Variants in ADGRG1 observed in about 807,000 individuals in gnomAD.
The protein encoded by ADGRG1 is 7-transmembrane protein with no EGF-like N-terminal domains-1.
A neutral mutation model predicts 73.5 loss-of-function variants in ADGRG1; 53 were observed. The observed-to-expected ratio is 0.72, with a 90% CI of 0.58 to 0.91. The LOEUF (loss-of-function observed/expected upper bound fraction) is 0.91, where lower values mean the gene tolerates loss of function less well. Ranked by LOEUF, ADGRG1 falls within the 40% of genes least tolerant of loss-of-function variation. The pLI, the probability that ADGRG1 is intolerant of heterozygous loss-of-function variation, is 0.00. For synonymous variants in ADGRG1, 394 were observed against 374.4 expected, an observed-to-expected ratio of 1.05 and a Z score of -0.60; for missense variants, 795 against 871.8, an observed-to-expected ratio of 0.91 and a Z score of 1.11.
At chr16:57,625,396 C>T (rs2035640338), upstream of ADGRG1, 1 of 158,604 alleles carries the variant, frequency 6.3e-6, no homozygotes, top group Non-Finnish European at 1.4e-5. Flanking sequence ...CAGACATCTT[C>T]CCCCTCTCCT....
chr16:57,625,516 G>A (rs549275320), upstream of ADGRG1: 52 of 972,168 alleles, frequency 5.3e-5, no homozygotes, highest in Middle Eastern at 1.0e-3. Flanking sequence ...TGCCTCCTTC[G>A]AGGCCCCATC....
intron 1 of ADGRG1, chr16:57,647,882 C>A: frequency 2.2e-6 from 1 of 464,814 alleles, no homozygotes; most frequent in Non-Finnish European, 2.8e-6. Context: ...TGATGGGGAG[C>A]TCTCTACCTG....
At chr16:57,650,924 G>T (rs1436874638) in intron 2 of ADGRG1, 13 of 237,410 alleles carry the variant, frequency 5.5e-5, no homozygotes, top group Non-Finnish European at 8.2e-5. Flanking sequence ...TAGCCGGGAT[G>T]GTCTCGATCT....
In ADGRG1 at chr16:57,628,679, C is replaced by T. The variant is rs1346037213; in HGVS notation, c.-159C>T. On this transcript the variant is annotated 5_prime_UTR_variant, in exon 1 of 14. Coordinates refer to ENST00000562631, the MANE Select transcript of ADGRG1 (RefSeq NM_201525.4). Reference sequence around the variant, plus strand: ...CCGTAGGAGATGGGCTGGGAGCCTCCCACGCTCTCCAGCTCACTCGGCAGG... The same window carrying T: ...CCGTAGGAGATGGGCTGGGAGCCTCTCACGCTCTCCAGCTCACTCGGCAGG... The T allele has an allele frequency of 3.0e-6, 3 of 985,418 alleles. No individual in the cohort carries two copies. The highest frequency in any genetic ancestry group is 3.5e-5 in the African/African-American group (2 of 57,252). 61.0% of individuals were successfully genotyped at this position (985,418 alleles called of 1,614,324 possible).
At chr16:57,662,346 T>A (rs1476062762) in intron 13 of ADGRG1, among the ~76,000 whole-genome samples, 1 of 151,946 alleles carries the variant, frequency 6.6e-6, no homozygotes, top group East Asian at 1.9e-4. Context: ...CTAAGAAGGG[T>A]GGCCAGGGAG....
chr16:57,651,505 C>T lies in ADGRG1; in HGVS notation c.370C>T (p.His124Tyr), dbSNP rs754843087. 6.2e-7 allele frequency: 1 copy of T among 1,614,116 alleles called. No homozygotes were observed. The highest frequency in any genetic ancestry group is 1.3e-5 in the African/African-American group (1 of 74,942). Reference protein sequence around the residue: ...DKASSLLCFQHQEESLAQGPP... With the variant: ...DKASSLLCFQYQEESLAQGPP... ...AGCCTCTAGCCTCCTCTGCTTCCAG[C>T]ACCAGGAGGAGAGCCTGGCTCAGGG... The change falls in exon 3 of 14, where the codon CAC becomes TAC. Residue 124 changes from histidine to tyrosine, a missense_variant. Transcript: ENST00000562631.
chr16:57,660,695 C>A, intron 11 of ADGRG1, 73 bp from the exon 12 acceptor site: 1 of 1,476,072 alleles, frequency 6.8e-7, no homozygotes, highest in Non-Finnish European at 9.3e-7. Context: ...GCCCTCCAGA[C>A]TCCCTGAGGC....
chr16:57,630,175 C>T, intron 1 of ADGRG1: 1 of 399,764 alleles, frequency 2.5e-6, no homozygotes, highest in Non-Finnish European at 3.4e-6. Context: ...GCCAAGCCCC[C>T]TGCCCCTCCC....
In ADGRG1 at chr16:57,651,335, T is replaced by A. The variant is rs958897226; in HGVS notation, c.200T>A (p.Val67Asp). 1.2e-6 allele frequency: 2 copies of A among 1,613,910 alleles called. No homozygotes were observed. Among genetic ancestry groups the A allele is most frequent in the Non-Finnish European group, 8.5e-7 (1 of 1,179,940 alleles). Residue 67 changes from valine to aspartate, a missense_variant, in exon 3 of 14, where the codon GTC becomes GAC. By Grantham distance (152) the Val-to-Asp change is radical (BLOSUM62 -3). Coordinates refer to ENST00000562631, the MANE Select transcript of ADGRG1 (RefSeq NM_201525.4). The stretch of plus-strand genomic sequence containing the variant: ...GAGAACTCCGAAGAGGCCCTCACAG[T>A]CCATGCCCCTTTCCCTGCAGCCCAC... The part of the protein sequence containing the change: ...SIENSEEALT[V>D]HAPFPAAHPA...
At position 57,663,164 on chromosome 16, in the gene ADGRG1, G is replaced by A. The variant is rs79241549; in HGVS notation, c.1934-288G>A. On this transcript the variant is annotated intron_variant, in intron 13 of 13. Coordinates refer to ENST00000562631, the MANE Select transcript of ADGRG1 (RefSeq NM_201525.4). ...ACAGTTTGAGCCCTGGCTCAGCCAC[G>A]TCCCTTTACCTGAGCCTCCTGGGCC... is the stretch of plus-strand genomic sequence containing the variant. 1,405 of 861,652 alleles carry A rather than the reference G, an allele frequency of 1.6e-3. 1 individual carries two copies. The highest frequency in any genetic ancestry group is 1.8e-3 in the Non-Finnish European group (1,282 of 717,002). The allele number at this position is 861,652 out of a possible 1,614,324, so 53.4% of individuals were successfully genotyped here.
chr16:57,637,112 G>A (rs1210574417), intron 1 of ADGRG1, among the ~76,000 whole-genome samples: 2 of 152,190 alleles, frequency 1.3e-5, no homozygotes, highest in Non-Finnish European at 2.9e-5. Flanking sequence ...CTGCAAGGAA[G>A]GGATGGGGTG....
At position 57,635,064 on chromosome 16, in the gene ADGRG1, T is replaced by C. The variant is rs943207813; in HGVS notation, c.-36+6262T>C. ...GGGACCCAGCTGAAGAGGACTGGAGTGAACAGGGAGAGGCTGAGGGAGGTC... is the reference window on the plus strand; with the variant it reads ...GGGACCCAGCTGAAGAGGACTGGAGCGAACAGGGAGAGGCTGAGGGAGGTC... On this transcript the variant is annotated intron_variant, in intron 1 of 13. Coordinates refer to ENST00000562631, the MANE Select transcript of ADGRG1 (RefSeq NM_201525.4). 3.0e-6 allele frequency: 3 copies of C among 984,306 alleles called. No homozygotes were observed. In the African/African-American group the frequency reaches 5.3e-5, roughly 17 times the overall value. The allele number at this position is 984,306 out of a possible 1,614,324, so 61.0% of individuals were successfully genotyped here. A position where few individuals can be genotyped will look rare whatever the true frequency, so the allele number is the denominator to read the frequency against.
chr16:57,630,530 C>T, intron 1 of ADGRG1: 1 of 985,510 alleles, frequency 1.0e-6, no homozygotes, highest in Non-Finnish European at 1.2e-6. Context: ...GGGCTTGGCT[C>T]CGAGAGTGTC....
intron 1 of ADGRG1, chr16:57,631,565 G>A (rs577962126): frequency 5.9e-4 from 585 of 985,566 alleles, no homozygotes; most frequent in African/African-American, 1.1e-3. Flanking sequence ...CTCAGCCCCC[G>A]TCCCCATGCT....
chr16:57,655,865 C>A lies in ADGRG1; in HGVS notation c.901-11C>A, dbSNP rs780501277. 5.0e-6 allele frequency: 8 copies of A among 1,614,122 alleles called. No homozygotes were observed. In the South Asian group the frequency reaches 8.8e-5, roughly 18 times the overall value. On this transcript the variant is annotated splice_polypyrimidine_tract_variant and intron_variant, in intron 6 of 13. Coordinates refer to ENST00000562631, the MANE Select transcript of ADGRG1 (RefSeq NM_201525.4). ...CCTCCCTACTCTCTTCCTCCAACCC[C>A]ATGTATCTAGGACAAGAATTCCAGC...
chr16:57,630,313 G>A, intron 1 of ADGRG1: 3 of 960,954 alleles, frequency 3.1e-6, no homozygotes, highest in Non-Finnish European at 3.7e-6. Context: ...GGTCCTGTTG[G>A]GCTCTTTCCT....
intron 1 of ADGRG1, chr16:57,633,420 C>T (rs917176051): frequency 6.4e-5 from 63 of 985,260 alleles, no homozygotes; most frequent in Middle Eastern, 1.0e-3. Context: ...GGGGATGAAC[C>T]GAGACAGCCA....
upstream of ADGRG1, chr16:57,627,778 C>T: frequency 1.0e-6 from 1 of 985,224 alleles, no homozygotes. Flanking sequence ...GTGAGTTATC[C>T]AAAGCCTCCT....
intron 1 of ADGRG1, chr16:57,635,453 G>T (rs989849592): frequency 4.1e-6 from 4 of 985,170 alleles, no homozygotes; most frequent in Admixed American, 1.2e-4. Context: ...CAGCCATGGT[G>T]GGGGAGGACA....
Sources: gnomAD v4.1 joint callset for allele counts (sites outside exome capture counted in the v4.1 genomes callset) on GRCh38, gnomAD v4.1.1 for gene constraint, MANE v1.5 for transcripts, NCBI Gene and HGNC (gene_info 2026-07-23, HGNC 2026-07-21) for gene names.